Variants in ARHGAP8 observed in about 807,000 individuals in gnomAD.
ARHGAP8 encodes Rho GTPase activating protein 8.
Under a neutral mutation model 46.1 loss-of-function variants are expected in ARHGAP8, and 62 were observed. That is an observed-to-expected ratio of 1.34 (90% CI 1.10 to 1.66). The LOEUF (loss-of-function observed/expected upper bound fraction) is 1.66. Ranked by LOEUF, ARHGAP8 falls within the 40% of genes most tolerant of loss-of-function variation. The pLI, the probability that ARHGAP8 is intolerant of heterozygous loss-of-function variation, is 0.00. For missense variants in ARHGAP8, 923 were observed against 568.4 expected (o/e 1.62, Z -6.34); for synonymous variants, 375 against 243.1 (o/e 1.54, Z -5.05).
chr22:44,807,525 G>GGT (rs1461277980), intron 3 of ARHGAP8, among the ~76,000 whole-genome samples: 1 of 152,174 alleles, frequency 6.6e-6, no homozygotes, highest in Non-Finnish European at 1.5e-5. Flanking sequence ...CAGGCAGCCG[G>GGT]GTGTCTGAGG....
intron 7 of ARHGAP8, among the ~76,000 whole-genome samples, chr22:44,825,979 G>C (rs1602230971): frequency 1.3e-5 from 2 of 151,560 alleles, no homozygotes; most frequent in East Asian, 3.9e-4. Context: ...GGGACCGGCA[G>C]TGGGTAGTGG....
chr22:44,860,187 CCAGTGGACTGAGCT>C (rs2147200664), intron 11 of ARHGAP8, among the ~76,000 whole-genome samples: 1 of 152,222 alleles, frequency 6.6e-6, no homozygotes, highest in African/African-American at 2.4e-5. Context: ...GGTACAGAGC[CCAGTGGACTGAGCT>C]GACCATTCCT....
intron 11 of ARHGAP8, among the ~76,000 whole-genome samples, chr22:44,861,861 T>A (rs1231765428): frequency 6.6e-6 from 1 of 152,078 alleles, no homozygotes; most frequent in Non-Finnish European, 1.5e-5. Flanking sequence ...TCCCTGCCCC[T>A]CGTAGTGGCC....
At chr22:44,797,260 C>A (rs982724351) in intron 2 of ARHGAP8, among the ~76,000 whole-genome samples, 3 of 133,702 alleles carry the variant, frequency 2.2e-5, no homozygotes, top group African/African-American at 8.9e-5. Context: ...CTTTCTCTTT[C>A]AACCCTAAAG....
Position 44,859,803 on chromosome 22 carries a change from T to G in ARHGAP8, c.950T>G (p.Val317Gly). The G allele has an allele frequency of 1.2e-6, 2 of 1,614,024 alleles. No individual in the cohort carries two copies. The highest frequency in any genetic ancestry group is 2.2e-5 in the South Asian group (2 of 91,068). Residue 317 changes from valine to glycine, a missense_variant, in exon 11 of 12, where the codon GTC becomes GGC. By Grantham distance (109) the Val-to-Gly change is moderately radical (BLOSUM62 -3). Transcript: ENST00000356099. ...LRSLPEHNYV[V>G]LRYLMGFLHA... Reference sequence around the variant, plus strand: ...AGCCTCCCAGAGCACAACTACGTCGTCCTCCGCTACCTCATGGGCTTCCTG... The same window carrying G: ...AGCCTCCCAGAGCACAACTACGTCGGCCTCCGCTACCTCATGGGCTTCCTG...
At chr22:44,762,001 G>C (rs1925167983) in intron 1 of ARHGAP8, among the ~76,000 whole-genome samples, 1 of 152,218 alleles carries the variant, frequency 6.6e-6, no homozygotes, top group Non-Finnish European at 1.5e-5. Context: ...CCTCCCACCA[G>C]GTCCCTCCCA....
intron 10 of ARHGAP8, chr22:44,850,616 G>C (rs2070069304): frequency 6.6e-6 from 1 of 152,118 alleles, no homozygotes; most frequent in African/African-American, 2.4e-5. Context: ...GCCAAAACCT[G>C]GTGACAGGGA....
chr22:44,860,139 G>T (rs990930266), intron 11 of ARHGAP8, among the ~76,000 whole-genome samples: 1 of 152,048 alleles, frequency 6.6e-6, no homozygotes, highest in Non-Finnish European at 1.5e-5. Context: ...TTCCTGCTTG[G>T]GCTGAGTCTC....
chr22:44,851,973 C>T (rs1302707387), intron 10 of ARHGAP8, among the ~76,000 whole-genome samples: 2 of 151,898 alleles, frequency 1.3e-5, no homozygotes, highest in Non-Finnish European at 2.9e-5. Context: ...GGTGGATCAC[C>T]TGAGGTCAGG....
intron 8 of ARHGAP8, among the ~76,000 whole-genome samples, chr22:44,846,694 C>T (rs921180275): frequency 3.5e-4 from 54 of 152,300 alleles, no homozygotes; most frequent in African/African-American, 1.2e-3. Flanking sequence ...CTGCCTTCTT[C>T]ACGCCTCCCC....
intron 7 of ARHGAP8, among the ~76,000 whole-genome samples, chr22:44,843,013 AC>A (rs1447163215): frequency 6.6e-6 from 1 of 152,042 alleles, no homozygotes; most frequent in Non-Finnish European, 1.5e-5. Context: ...GTTGTTGATG[AC>A]CTGTGGACTC....
Position 44,859,801 on chromosome 22 carries a change from C to G in ARHGAP8, c.948C>G (p.Val316=). 1 of 1,614,050 alleles carries G rather than the reference C, an allele frequency of 6.2e-7. No homozygotes were observed. The highest frequency in any genetic ancestry group is 8.5e-7 in the Non-Finnish European group (1 of 1,180,018). The change falls in exon 11 of 12, where the codon GTC becomes GTG. Residue 316 remains valine, a synonymous_variant. Transcript: ENST00000356099. ...ILRSLPEHNY[V]VLRYLMGFLH... is the part of the protein sequence containing the mutation. ...GGAGCCTCCCAGAGCACAACTACGT[C>G]GTCCTCCGCTACCTCATGGGCTTCC...
chr22:44,757,749 G>C (rs971246598), intron 1 of ARHGAP8, among the ~76,000 whole-genome samples: 5 of 149,642 alleles, frequency 3.3e-5, no homozygotes, highest in Non-Finnish European at 7.4e-5. Context: ...AATGATTCTC[G>C]TGCCTCAGCC....
At chr22:44,771,745 G>T (rs1273383521) in intron 1 of ARHGAP8, among the ~76,000 whole-genome samples, 12 of 128,350 alleles carry the variant, frequency 9.3e-5, no homozygotes, top group South Asian at 5.2e-4. Flanking sequence ...AGTAGAGATA[G>T]GGTTTCACCA....
chr22:44,848,188 T>G (rs1443784238), intron 9 of ARHGAP8, 138 bp downstream of exon 9: 2 of 1,252,148 alleles, frequency 1.6e-6, no homozygotes, highest in Non-Finnish European at 2.2e-6. Flanking sequence ...TGGGGGCAGC[T>G]TCCCAGGAGG....
At position 44,791,425 on chromosome 22, in the gene ARHGAP8, C is replaced by T. The variant is rs567513922; in HGVS notation, c.79+4819C>T. On this transcript the variant is annotated intron_variant, in intron 2 of 11. Transcript: ENST00000356099. ...TCACTTATTTAAAACCCAGCTTCGC[C>T]GGGCGCAGTGGCTCGTGCCTGTAAT... 5.3e-5 allele frequency among the ~76,000 whole-genome samples: 8 copies of T among 152,208 alleles called. No individual in the cohort carries two copies. The East Asian group carries it at 7.7e-4, about 15-fold the overall frequency.
chr22:44,862,391 G>A lies in ARHGAP8; in HGVS notation c.1098G>A (p.Leu366=), dbSNP rs762224944. 4.3e-6 allele frequency: 7 copies of A among 1,614,002 alleles called. No homozygotes were observed. The highest frequency in any genetic ancestry group is 1.6e-4 in the Middle Eastern group (1 of 6,084). Residue 366 remains leucine, a synonymous_variant, in exon 12 of 12, where the codon CTG becomes CTA. Coordinates refer to ENST00000356099, the MANE Select transcript of ARHGAP8 (RefSeq NM_181335.3). ...CCTCCCTGAGTGCCCTTGTGCCCCT[G>A]AACATGTTCACTGAACTGCTGATCG... ...GVSSLSALVP[L]NMFTELLIEY... is the part of the protein sequence containing the mutation.
chr22:44,786,379 T>C, intron 1 of ARHGAP8, 78 bp from the exon 2 acceptor site: 2 of 1,509,522 alleles, frequency 1.3e-6, no homozygotes, highest in Non-Finnish European at 1.8e-6. Flanking sequence ...GACTGTCTTA[T>C]GAAAGGCATC....
rs190474109 is a variant in ARHGAP8 at position 44,759,665 on chromosome 22, G to A, written c.-72+7038G>A. ...CACAGTGGTTCTGTCTTGAGAAACA[G>A]GATCTTCTGTCTCAGAAGTATCCTG... On this transcript the variant is annotated intron_variant, in intron 1 of 11. Transcript: ENST00000356099. Among the ~76,000 whole-genome samples the A allele has an allele frequency of 1.6e-3, 246 of 152,308 alleles. 1 individual carries two copies. The highest frequency in any genetic ancestry group is 6.8e-3 in the Middle Eastern group (2 of 294).
Sources: gnomAD v4.1 joint callset for allele counts (sites outside exome capture counted in the v4.1 genomes callset) on GRCh38, gnomAD v4.1.1 for gene constraint, MANE v1.5 for transcripts, NCBI Gene and HGNC (gene_info 2026-07-23, HGNC 2026-07-21) for gene names.